Variants in CNBD1 observed in about 807,000 individuals in gnomAD.
CNBD1 encodes the protein cyclic nucleotide-binding domain-containing protein 1.
Under a neutral mutation model 54.4 loss-of-function variants are expected in CNBD1, and 71 were observed. The observed-to-expected ratio is 1.30, with a 90% CI of 1.08 to 1.59. CNBD1 has a LOEUF of 1.59. Ranked by LOEUF, CNBD1 falls within the 40% of genes most tolerant of loss-of-function variation. CNBD1 has a pLI of 0.00. For synonymous variants in CNBD1, 182 were observed against 170.7 expected (o/e 1.07, Z -0.51); for missense variants, 659 against 518.0 (o/e 1.27, Z -2.64).
chr8:87,241,268 AT>A (rs34829455), intron 6 of CNBD1, among the ~76,000 whole-genome samples: 15,349 of 93,456 alleles, frequency 0.16, 490 homozygotes, highest in Middle Eastern at 0.23. Context: ...TATTTGGAAG[AT>A]TTTTTTTTTT....
intron 8 of CNBD1, among the ~76,000 whole-genome samples, chr8:87,308,514 AT>A (rs1479998555): frequency 6.6e-6 from 1 of 152,140 alleles, no homozygotes; most frequent in African/African-American, 2.4e-5. Flanking sequence ...ATTTTGACAC[AT>A]GCATACAATG....
intron 8 of CNBD1, among the ~76,000 whole-genome samples, chr8:87,338,720 G>GT (rs1269893612): frequency 6.6e-6 from 1 of 151,328 alleles, no homozygotes; most frequent in Non-Finnish European, 1.5e-5. Context: ...CTTGTTTGGT[G>GT]TTTTTTGAGC....
chr8:87,310,491 A>T lies in CNBD1; in HGVS notation c.1042+23820A>T, dbSNP rs917425358. ...CTTTAGAAAATCATAGATGACACAAACAAATGGAGAAACACTCCACCCTCA... is the reference window on the plus strand; with the variant it reads ...CTTTAGAAAATCATAGATGACACAATCAAATGGAGAAACACTCCACCCTCA... On this transcript the variant is annotated intron_variant, in intron 8 of 10. Coordinates refer to ENST00000518476, the MANE Select transcript of CNBD1 (RefSeq NM_173538.3). Among the ~76,000 whole-genome samples, 13 of 152,178 alleles carry T rather than the reference A, an allele frequency of 8.5e-5. 1 individual carries two copies. The highest frequency in any genetic ancestry group is 7.9e-4 in the Admixed American group (12 of 15,262).
chr8:87,228,584 G>A (rs958991522), intron 5 of CNBD1, among the ~76,000 whole-genome samples: 2 of 150,878 alleles, frequency 1.3e-5, no homozygotes, highest in Non-Finnish European at 2.9e-5. Flanking sequence ...CACTTGAGGA[G>A]GCAGTCCGCC....
At chr8:87,312,172 G>C (rs10099177) in intron 8 of CNBD1, among the ~76,000 whole-genome samples, 57,807 of 151,662 alleles carry the variant, frequency 0.38, 11,283 homozygotes, top group Middle Eastern at 0.45. Flanking sequence ...TGTAATTTTC[G>C]CAATAAAACA....
chr8:87,353,834 G>A (rs779052186), intron 10 of CNBD1, 48 bp downstream of exon 10: 2 of 1,455,370 alleles, frequency 1.4e-6, no homozygotes, highest in Non-Finnish European at 1.9e-6. Flanking sequence ...TATTGGATGA[G>A]TTCTTAAATT....
Position 86,994,422 on chromosome 8 carries a change from T to G in CNBD1, c.431+54668T>G, listed in dbSNP as rs1193348134. On this transcript the variant is annotated intron_variant, in intron 4 of 10. Coordinates refer to ENST00000518476, the MANE Select transcript of CNBD1 (RefSeq NM_173538.3). ...CCAGCCCCACTGTCTCCTGGCCAGG[T>G]GGACAGCTGGGGCTAGAGCTAATTG... 2.6e-5 allele frequency among the ~76,000 whole-genome samples: 4 copies of G among 152,146 alleles called. No individual in the cohort carries two copies. The East Asian group carries it at 7.7e-4, about 29-fold the overall frequency.
chr8:87,382,632 A>G lies in CNBD1; in HGVS notation c.*5A>G. On this transcript the variant is annotated 3_prime_UTR_variant, in exon 11 of 11. Coordinates refer to ENST00000518476, the MANE Select transcript of CNBD1 (RefSeq NM_173538.3). ...TTGCCTTTTGCAGTGGCCTAGATCT[A>G]GAAACAACCTCAGTGAACATTAATT... The G allele has an allele frequency of 6.5e-7, 1 of 1,532,764 alleles. No homozygotes were observed. 94.9% of individuals were successfully genotyped at this position (1,532,764 alleles called of 1,614,324 possible). A position where few individuals can be genotyped will look rare whatever the true frequency, so the allele number is the denominator to read the frequency against.
At chr8:87,146,836 T>C (rs1423421937) in intron 4 of CNBD1, among the ~76,000 whole-genome samples, 1 of 152,170 alleles carries the variant, frequency 6.6e-6, no homozygotes, top group Admixed American at 6.5e-5. Flanking sequence ...TCTCTGCTTC[T>C]ACTCAGGCTT....
At chr8:86,906,703 C>G (rs1374546206) in intron 3 of CNBD1, among the ~76,000 whole-genome samples, 1 of 152,128 alleles carries the variant, frequency 6.6e-6, no homozygotes, top group Non-Finnish European at 1.5e-5. Flanking sequence ...GATCATCTTG[C>G]CCTCATATTT....
intron 10 of CNBD1, among the ~76,000 whole-genome samples, chr8:87,354,645 G>A (rs1454994947): frequency 6.6e-6 from 1 of 151,726 alleles, no homozygotes; most frequent in Non-Finnish European, 1.5e-5. Context: ...CTATGAGTGA[G>A]AACATGCGGT....
At chr8:87,063,168 T>G (rs886442069) in intron 4 of CNBD1, among the ~76,000 whole-genome samples, 1 of 152,168 alleles carries the variant, frequency 6.6e-6, no homozygotes, top group Non-Finnish European at 1.5e-5. Flanking sequence ...CCCTATCATA[T>G]GATGAACAGT....
rs13276920 is a variant in CNBD1 at position 87,241,396 on chromosome 8, C to A, written c.771+4284C>A. On this transcript the variant is annotated intron_variant, in intron 6 of 10. Coordinates refer to ENST00000518476, the MANE Select transcript of CNBD1 (RefSeq NM_173538.3). Reference sequence around the variant, plus strand: ...CGTCATTCTCCTGCTTCAGCCTCCCCAGTAGCTGGGACTACAGGGGCCTGC... The same window carrying A: ...CGTCATTCTCCTGCTTCAGCCTCCCAAGTAGCTGGGACTACAGGGGCCTGC... Among the ~76,000 whole-genome samples the A allele has an allele frequency of 1.8e-4, 27 of 151,628 alleles. 1 individual carries two copies. The highest frequency in any genetic ancestry group is 5.6e-4 in the African/African-American group (23 of 41,316).
At chr8:86,878,546 A>G (rs1808559661) in intron 1 of CNBD1, among the ~76,000 whole-genome samples, 1 of 151,056 alleles carries the variant, frequency 6.6e-6, no homozygotes, top group Non-Finnish European at 1.5e-5. Context: ...GCCACTTAAC[A>G]TTGTCCTCTG....
At chr8:87,176,991 T>C (rs1053066895) in intron 4 of CNBD1, among the ~76,000 whole-genome samples, 3 of 152,158 alleles carry the variant, frequency 2.0e-5, no homozygotes, top group African/African-American at 4.8e-5. Flanking sequence ...GTTTAAGCCA[T>C]GTCTGACACT....
chr8:87,151,548 A>G (rs539040912), intron 4 of CNBD1, among the ~76,000 whole-genome samples: 1 of 152,164 alleles, frequency 6.6e-6, no homozygotes, highest in Non-Finnish European at 1.5e-5. Flanking sequence ...GTTATAGTCC[A>G]ATGTATGGAC....
intron 2 of CNBD1, among the ~76,000 whole-genome samples, chr8:86,891,034 T>C (rs1487989633): frequency 6.6e-6 from 1 of 152,102 alleles, no homozygotes; most frequent in Non-Finnish European, 1.5e-5. Flanking sequence ...TCTCTCATTC[T>C]GTAGGTTGTT....
Position 86,963,879 on chromosome 8 carries a change from A to G in CNBD1, c.431+24125A>G, listed in dbSNP as rs150980308. On this transcript the variant is annotated intron_variant, in intron 4 of 10. Transcript: ENST00000518476. ...TCAGTCCTGCTGCACCATTTGGGAGATGGCAATCTGGACCTTGCCACCCAT... is the reference window on the plus strand; with the variant it reads ...TCAGTCCTGCTGCACCATTTGGGAGGTGGCAATCTGGACCTTGCCACCCAT... Among the ~76,000 whole-genome samples the G allele has an allele frequency of 6.4e-3, 979 of 152,248 alleles. 9 individuals carry two copies. The highest frequency in any genetic ancestry group is 0.037 in the Middle Eastern group (11 of 294).
intron 10 of CNBD1, among the ~76,000 whole-genome samples, chr8:87,365,655 A>G (rs1334948186): frequency 6.6e-6 from 1 of 152,084 alleles, no homozygotes; most frequent in Non-Finnish European, 1.5e-5. Flanking sequence ...GTTATTGGTA[A>G]CAATAATCTC....
Sources: gnomAD v4.1 joint callset for allele counts (sites outside exome capture counted in the v4.1 genomes callset) on GRCh38, gnomAD v4.1.1 for gene constraint, MANE v1.5 for transcripts, NCBI Gene and HGNC (gene_info 2026-07-23, HGNC 2026-07-21) for gene names.